ATRNL1: variants seen among roughly 807,000 people sequenced by gnomAD.
ATRNL1 encodes the protein attractin like 1.
ATRNL1 carries 95 observed loss-of-function variants against 182.7 expected under a neutral mutation model. That is an observed-to-expected ratio of 0.52 (90% confidence interval 0.44 to 0.62). The LOEUF is 0.62. Ranked by LOEUF, ATRNL1 falls within the 20% of genes least tolerant of loss-of-function variation. The pLI, the probability that ATRNL1 is intolerant of heterozygous loss-of-function variation, is 0.00. For synonymous variants in ATRNL1, 576 were observed against 568.3 expected (o/e 1.01, Z -0.19); for missense variants, 1,471 against 1,679.5 (o/e 0.88, Z 2.17).
intron 1 of ATRNL1, among the ~76,000 whole-genome samples, chr10:115,112,835 A>G (rs1564743906): frequency 6.6e-6 from 1 of 152,232 alleles, no homozygotes; most frequent in Non-Finnish European, 1.5e-5. Context: ...AGCCAACACC[A>G]TAGACATCTC....
At chr10:115,836,580 C>T (rs1950678417) in intron 27 of ATRNL1, among the ~76,000 whole-genome samples, 1 of 152,192 alleles carries the variant, frequency 6.6e-6, no homozygotes. Context: ...CTTGTAGATG[C>T]ATCACTGCAG....
chr10:115,895,089 C>G (rs1333474546), intron 28 of ATRNL1, among the ~76,000 whole-genome samples: 1 of 152,168 alleles, frequency 6.6e-6, no homozygotes, highest in Non-Finnish European at 1.5e-5. Context: ...TCATCAAAAG[C>G]TTCGTATTTT....
At chr10:115,304,970 C>G (rs1174773848) in intron 17 of ATRNL1, among the ~76,000 whole-genome samples, 1 of 151,856 alleles carries the variant, frequency 6.6e-6, no homozygotes, top group Non-Finnish European at 1.5e-5. Flanking sequence ...TCCAAGGACT[C>G]CTTTTTTCTC....
intron 9 of ATRNL1, among the ~76,000 whole-genome samples, chr10:115,221,053 G>A (rs183930254): frequency 1.2e-3 from 179 of 152,246 alleles, no homozygotes; most frequent in African/African-American, 4.0e-3. Flanking sequence ...GATTCTCATA[G>A]GGACATGCAA....
intron 27 of ATRNL1, among the ~76,000 whole-genome samples, chr10:115,778,495 G>T (rs943308799): frequency 2.0e-5 from 3 of 152,338 alleles, no homozygotes; most frequent in East Asian, 3.9e-4. Flanking sequence ...GCAATAAGTA[G>T]ATTGTGAACA....
intron 20 of ATRNL1, among the ~76,000 whole-genome samples, chr10:115,403,151 T>C (rs1463544781): frequency 6.6e-6 from 1 of 152,050 alleles, no homozygotes; most frequent in South Asian, 2.1e-4. Context: ...TTTAGGAAGA[T>C]CAAAGTTGTG....
At chr10:115,739,456 G>A (rs1948075982) in intron 27 of ATRNL1, among the ~76,000 whole-genome samples, 1 of 152,164 alleles carries the variant, frequency 6.6e-6, no homozygotes, top group Non-Finnish European at 1.5e-5. Flanking sequence ...TTCACCTACT[G>A]TCAGATAAAA....
At chr10:115,176,507 C>T (rs1373352313) in intron 8 of ATRNL1, among the ~76,000 whole-genome samples, 2 of 151,914 alleles carry the variant, frequency 1.3e-5, no homozygotes, top group Non-Finnish European at 2.9e-5. Context: ...GAGAATTAGT[C>T]GATCTGTTGG....
At chr10:115,167,628 TA>T (rs1193438655) in intron 7 of ATRNL1, among the ~76,000 whole-genome samples, 1 of 151,848 alleles carries the variant, frequency 6.6e-6, no homozygotes, top group African/African-American at 2.4e-5. Context: ...GTGCTGTTGT[TA>T]AAAAAAATTG....
intron 21 of ATRNL1, among the ~76,000 whole-genome samples, chr10:115,446,537 A>G (rs931252391): frequency 6.6e-6 from 1 of 151,866 alleles, no homozygotes; most frequent in African/African-American, 2.4e-5. Flanking sequence ...CTGTATTTAT[A>G]TTAATTGTAT....
At chr10:115,392,965 CA>C (rs1299935744) in intron 19 of ATRNL1, among the ~76,000 whole-genome samples, 18 of 152,112 alleles carry the variant, frequency 1.2e-4, no homozygotes, top group Admixed American at 1.2e-3. Flanking sequence ...GTTAAATAGC[CA>C]TAGCTGGTCA....
intron 21 of ATRNL1, among the ~76,000 whole-genome samples, chr10:115,442,669 GCAGTAATTTGTAACACCTATTC>G (rs1221905102): frequency 6.6e-6 from 1 of 151,924 alleles, no homozygotes; most frequent in Non-Finnish European, 1.5e-5. Context: ...TGGTCTGTGG[GCAGTAATTTGTAACACCTATTC>G]CAAAACATTA....
At chr10:115,641,954 GA>G (rs1555030564) in intron 26 of ATRNL1, among the ~76,000 whole-genome samples, 1 of 151,920 alleles carries the variant, frequency 6.6e-6, no homozygotes, top group East Asian at 1.9e-4. Flanking sequence ...TAGAATATTT[GA>G]AAAGTATGTG....
intron 21 of ATRNL1, among the ~76,000 whole-genome samples, chr10:115,429,103 C>G (rs2134405122): frequency 6.6e-6 from 1 of 152,030 alleles, no homozygotes; most frequent in South Asian, 2.1e-4. Flanking sequence ...TAGTGTTGAA[C>G]TTGATTTTAT....
chr10:115,209,422 GTT>G (rs76528860), intron 8 of ATRNL1, among the ~76,000 whole-genome samples: 1 of 119,256 alleles, frequency 8.4e-6, no homozygotes, highest in Admixed American at 8.7e-5. Context: ...TTTTTATTTT[GTT>G]TTTTTTTTTT....
intron 10 of ATRNL1, among the ~76,000 whole-genome samples, chr10:115,244,310 A>G (rs372536897): frequency 6.6e-6 from 1 of 152,156 alleles, no homozygotes; most frequent in African/African-American, 2.4e-5. Flanking sequence ...TATACAGTCA[A>G]TATCGCTAAT....
intron 1 of ATRNL1, among the ~76,000 whole-genome samples, chr10:115,113,637 G>T (rs1443789465): frequency 6.6e-6 from 1 of 152,130 alleles, no homozygotes; most frequent in Non-Finnish European, 1.5e-5. Context: ...ATCCATGTAA[G>T]ACATGACTTG....
intron 26 of ATRNL1, among the ~76,000 whole-genome samples, chr10:115,692,159 A>C (rs1006127538): frequency 9.9e-5 from 15 of 152,240 alleles, no homozygotes; most frequent in Admixed American, 2.6e-4. Flanking sequence ...TTAACAAATT[A>C]AAGAAAAACT....
In ATRNL1 at chr10:115,682,669, T is replaced by TATGATGATGATGATG. The variant is rs144515513; in HGVS notation, c.3796-44561_3796-44547dup. On this transcript the variant is annotated intron_variant, in intron 26 of 28. Coordinates refer to ENST00000355044, the MANE Select transcript of ATRNL1 (RefSeq NM_207303.4). ...TAGTAAACACTCAATAGATAATACA[T>TATGATGATGATGATG]ATGATGATGATGATGATGATGATGA... Among the ~76,000 whole-genome samples, 118 of 150,074 alleles carry TATGATGATGATGATG rather than the reference T, an allele frequency of 7.9e-4. No homozygotes were observed. In the South Asian group the frequency reaches 9.6e-3, roughly 12 times the overall value.
Sources: allele counts gnomAD v4.1 joint callset (sites outside exome capture counted in the v4.1 genomes callset), GRCh38; gene constraint gnomAD v4.1.1; transcripts MANE v1.5; gene names NCBI Gene and HGNC (gene_info 2026-07-23, HGNC 2026-07-21).